P2RY8: variants seen among roughly 807,000 people sequenced by gnomAD.
P2RY8 encodes S-geranylgeranyl-glutathione receptor P2RY8.
A neutral mutation model predicts 10.0 loss-of-function variants in P2RY8; 6 were observed. The ratio of observed to expected loss-of-function variants is 0.60; its 90% CI spans 0.33 to 1.19. The LOEUF is 1.19. P2RY8 is among the 50% of genes most tolerant of loss of function. The probability of loss-of-function intolerance (pLI) is 0.04; values close to 1 mark genes in which losing one functional copy is unlikely to be tolerated. For missense variants in P2RY8, 456 were observed against 542.0 expected, an observed-to-expected ratio of 0.84 and a Z score of 1.58; for synonymous variants, 276 against 252.5, an observed-to-expected ratio of 1.09 and a Z score of -0.88.
chrX:1,467,528 G>T (rs1353219973), intron 1 of P2RY8, among the ~76,000 whole-genome samples: 1 of 152,200 alleles, frequency 6.6e-6, no homozygotes, highest in Non-Finnish European at 1.5e-5. Context: ...TTTGGGTTCC[G>T]CTTGGTGTGG....
intron 1 of P2RY8, among the ~76,000 whole-genome samples, chrX:1,524,419 A>ATCCT (rs2092416178): frequency 8.7e-6 from 1 of 115,180 alleles, no homozygotes; most frequent in Non-Finnish European, 2.0e-5. Context: ...GCATCCATCC[A>ATCCT]TCCATCCATC....
At chrX:1,529,273 G>A (rs1446940689) in intron 1 of P2RY8, among the ~76,000 whole-genome samples, 1 of 152,062 alleles carries the variant, frequency 6.6e-6, no homozygotes, top group Non-Finnish European at 1.5e-5. Context: ...ACAGCACATT[G>A]GGAGATGGAG....
At chrX:1,495,786 C>T (rs1241166830) in intron 1 of P2RY8, among the ~76,000 whole-genome samples, 1 of 116,484 alleles carries the variant, frequency 8.6e-6, no homozygotes, top group African/African-American at 2.6e-5. Context: ...GATCTCAGAC[C>T]TCCACCCTCC....
intron 1 of P2RY8, among the ~76,000 whole-genome samples, chrX:1,481,853 A>G (rs1198843437): frequency 1.3e-5 from 2 of 152,168 alleles, no homozygotes. Flanking sequence ...ATCACAAGGC[A>G]AGAATCCTCC....
intron 1 of P2RY8, among the ~76,000 whole-genome samples, chrX:1,533,147 G>C (rs2092492987): frequency 6.6e-6 from 1 of 150,780 alleles, no homozygotes; most frequent in Non-Finnish European, 1.5e-5. Flanking sequence ...ATACTGCTTG[G>C]GTGACGGATA....
chrX:1,507,252 C>T (rs1322177964), intron 1 of P2RY8, among the ~76,000 whole-genome samples: 2 of 152,058 alleles, frequency 1.3e-5, no homozygotes, highest in South Asian at 2.1e-4. Flanking sequence ...TCAGGGCAGG[C>T]GTCCTCACTT....
chrX:1,483,767 A>G (rs1476057102), intron 1 of P2RY8, among the ~76,000 whole-genome samples: 1 of 151,580 alleles, frequency 6.6e-6, no homozygotes, highest in East Asian at 1.9e-4. Context: ...TGAGCTCCCC[A>G]AAACCCAAAG....
At chrX:1,475,149 G>A (rs2091861283) in intron 1 of P2RY8, among the ~76,000 whole-genome samples, 1 of 151,124 alleles carries the variant, frequency 6.6e-6, no homozygotes, top group Non-Finnish European at 1.5e-5. Flanking sequence ...GTGTTTAGGT[G>A]GCTGGATTTA....
chrX:1,488,679 G>A (rs1350988857), intron 1 of P2RY8, among the ~76,000 whole-genome samples: 1 of 151,990 alleles, frequency 6.6e-6, no homozygotes, highest in Admixed American at 6.6e-5. Context: ...ACTCCTTTGG[G>A]TCTGCTGTCC....
At chrX:1,500,821 C>T (rs1472034600) in intron 1 of P2RY8, among the ~76,000 whole-genome samples, 7 of 152,100 alleles carry the variant, frequency 4.6e-5, no homozygotes, top group Non-Finnish European at 7.4e-5. Flanking sequence ...TTTGTGACGA[C>T]CAATGGGCTG....
At chrX:1,503,218 C>A (rs1461091283) in intron 1 of P2RY8, among the ~76,000 whole-genome samples, 1 of 152,026 alleles carries the variant, frequency 6.6e-6, no homozygotes, top group Non-Finnish European at 1.5e-5. Flanking sequence ...ACAGGAAGGA[C>A]CCTCCCCTAG....
rs767283216 is a variant in P2RY8 at position 1,463,659 on chromosome X, T to C, written c.*1820A>G. ...GGCTTTAAAACAAGACATGTCTTTCTGGGGCAACTGTTTAGTGCACTCTGC... is the reference window on the plus strand; with the variant it reads ...GGCTTTAAAACAAGACATGTCTTTCCGGGGCAACTGTTTAGTGCACTCTGC... On this transcript the variant is annotated 3_prime_UTR_variant, in exon 2 of 2. Coordinates refer to ENST00000381297, the MANE Select transcript of P2RY8 (RefSeq NM_178129.5). The C allele has an allele frequency of 8.2e-5, 19 of 232,024 alleles. No homozygotes were observed. In the South Asian group the frequency reaches 3.3e-3, roughly 40 times the overall value. 14.4% of individuals were successfully genotyped at this position (232,024 alleles called of 1,614,324 possible).
At chrX:1,536,428 A>T (rs1256719255) in intron 1 of P2RY8, among the ~76,000 whole-genome samples, 4 of 151,980 alleles carry the variant, frequency 2.6e-5, no homozygotes, top group Admixed American at 2.6e-4. Flanking sequence ...AGCCCAGCTA[A>T]TTTTTGTATT....
intron 1 of P2RY8, among the ~76,000 whole-genome samples, chrX:1,521,043 T>C (rs1308177523): frequency 6.9e-6 from 1 of 144,396 alleles, no homozygotes; most frequent in Non-Finnish European, 1.5e-5. Flanking sequence ...TCTTTTTTTT[T>C]TTTTTTTTTT....
intron 1 of P2RY8, among the ~76,000 whole-genome samples, chrX:1,497,600 G>A (rs2092130200): frequency 6.6e-6 from 1 of 152,062 alleles, no homozygotes. Flanking sequence ...GGAGGTTGCG[G>A]TGAGCCGAGA....
At chrX:1,516,216 C>CAAT (rs1556684234) in intron 1 of P2RY8, among the ~76,000 whole-genome samples, 4 of 144,454 alleles carry the variant, frequency 2.8e-5, no homozygotes, top group African/African-American at 1.0e-4. Context: ...AAAACAACAA[C>CAAT]AAAAAAAAAA....
intron 1 of P2RY8, among the ~76,000 whole-genome samples, chrX:1,509,130 T>TCTATCTAA (rs1328433430): frequency 6.6e-6 from 1 of 151,784 alleles, no homozygotes; most frequent in Non-Finnish European, 1.5e-5. Flanking sequence ...TATCTATCTA[T>TCTATCTAA]CTATCTATCT....
At chrX:1,518,548 A>G (rs1262659616) in intron 1 of P2RY8, among the ~76,000 whole-genome samples, 2 of 151,180 alleles carry the variant, frequency 1.3e-5, no homozygotes, top group African/African-American at 4.9e-5. Context: ...GTCCCCCAAA[A>G]CCTGTCTGTT....
intron 1 of P2RY8, among the ~76,000 whole-genome samples, chrX:1,479,776 A>G (rs1253876717): frequency 2.0e-5 from 3 of 152,220 alleles, no homozygotes; most frequent in Non-Finnish European, 4.4e-5. Flanking sequence ...AAGAATGAGG[A>G]CACAAGTTAC....
Sources: allele counts gnomAD v4.1 joint callset (sites outside exome capture counted in the v4.1 genomes callset), GRCh38; gene constraint gnomAD v4.1.1; transcripts MANE v1.5; gene names NCBI Gene and HGNC (gene_info 2026-07-23, HGNC 2026-07-21).